Variants in ANK2 observed in about 807,000 individuals in gnomAD.
The protein encoded by ANK2 is ankyrin 2.
A neutral mutation model predicts 360.5 loss-of-function variants in ANK2; 83 were observed. That is an observed-to-expected ratio of 0.23 (90% CI 0.19 to 0.28). The LOEUF (loss-of-function observed/expected upper bound fraction) is 0.28, where lower values mean the gene tolerates loss of function less well. ANK2 is among the 10% of genes least tolerant of loss of function. The pLI is 1.00. For synonymous variants in ANK2, 1,740 were observed against 1,759.5 expected, an observed-to-expected ratio of 0.99 and a Z score of 0.28; for missense variants, 4,201 against 4,795.7, an observed-to-expected ratio of 0.88 and a Z score of 3.66.
chr4:112,783,380 T>G, the ANK2 span, among the ~76,000 whole-genome samples: 5 of 152,322 alleles, frequency 3.3e-5, no homozygotes, highest in East Asian at 5.8e-4. Flanking sequence ...CATAAATGCA[T>G]AAACATTGGC....
chr4:113,290,847 C>G (rs1369578160), intron 20 of ANK2, among the ~76,000 whole-genome samples: 2 of 152,154 alleles, frequency 1.3e-5, no homozygotes, highest in Non-Finnish European at 2.9e-5. Flanking sequence ...GTCTAGAGCT[C>G]CTAGCCAGAT....
intron 4 of ANK2, among the ~76,000 whole-genome samples, chr4:113,229,421 G>C (rs980857864): frequency 2.0e-5 from 3 of 152,182 alleles, no homozygotes; most frequent in Non-Finnish European, 4.4e-5. Flanking sequence ...TGATTACATA[G>C]AGCCTGTTTG....
the ANK2 span, among the ~76,000 whole-genome samples, chr4:112,782,775 A>G: frequency 1.3e-5 from 2 of 151,974 alleles, no homozygotes; most frequent in Non-Finnish European, 2.9e-5. Flanking sequence ...AGGCTGAGGC[A>G]GGAGGATCTC....
rs142133880 is a variant in ANK2 at position 113,128,399 on chromosome 4, A to C, written c.85-46017A>C. On this transcript the variant is annotated intron_variant, in intron 1 of 45. Coordinates refer to ENST00000357077, the MANE Select transcript of ANK2 (RefSeq NM_001148.6). ...GTAATATTACTTATTATATCACCAT[A>C]GTCCCCCTTTTTATGTGAGAGGACA... is the stretch of plus-strand genomic sequence containing the variant. Among the ~76,000 whole-genome samples, 193 of 152,392 alleles carry C rather than the reference A, an allele frequency of 1.3e-3. 6 individuals are homozygous for C. The East Asian group carries it at 0.034, about 26-fold the overall frequency.
rs376536631 is a variant in ANK2 at position 113,335,921 on chromosome 4, C to T, written c.3455C>T (p.Ala1152Val). 14 of 1,613,994 alleles carry T rather than the reference C, an allele frequency of 8.7e-6. No individual in the cohort carries two copies. The highest frequency in any genetic ancestry group is 1.2e-5 in the Non-Finnish European group (14 of 1,180,032). ...ACCCGAGACTTCCCACAGTACTTTGCAGTGGTGTCTCGTATCAAACAGGAC... is the reference window on the plus strand; with the variant it reads ...ACCCGAGACTTCCCACAGTACTTTGTAGTGGTGTCTCGTATCAAACAGGAC... ...IITRDFPQYF[A>V]VVSRIKQDSN... Residue 1152 changes from alanine (A) to valine (V), a missense_variant, in exon 30 of 46, where the codon GCA becomes GTA. Physicochemically the swap from Ala to Val is moderately conservative, Grantham distance 64. This residue lies in a region of ANK2 where 1,268 missense variants were observed against 1,650.8 expected (regional missense o/e 0.77). Transcript: ENST00000357077.
At chr4:112,765,138 G>T in the ANK2 span, among the ~76,000 whole-genome samples, 1 of 152,168 alleles carries the variant, frequency 6.6e-6, no homozygotes, top group Admixed American at 6.6e-5. Flanking sequence ...TGTTCATGCT[G>T]AATATACCTC....
chr4:113,299,499 G>A (rs2073780371), intron 22 of ANK2, among the ~76,000 whole-genome samples: 1 of 152,102 alleles, frequency 6.6e-6, no homozygotes, highest in Non-Finnish European at 1.5e-5. Flanking sequence ...GACGTCAAGT[G>A]TTCGAGACCA....
chr4:112,922,586 T>G (rs2151195438), intron 2 of ANK2, among the ~76,000 whole-genome samples: 1 of 152,310 alleles, frequency 6.6e-6, no homozygotes, highest in Non-Finnish European at 1.5e-5. Flanking sequence ...TGCTAGGAAA[T>G]ATTTGTGATA....
chr4:112,997,004 C>T (rs1255786920), intron 2 of ANK2, among the ~76,000 whole-genome samples: 1 of 152,052 alleles, frequency 6.6e-6, no homozygotes, highest in Non-Finnish European at 1.5e-5. Flanking sequence ...CACTCTCTGT[C>T]TAGTATATCT....
chr4:113,349,486 G>A (rs1272795724), intron 36 of ANK2, among the ~76,000 whole-genome samples: 1 of 151,672 alleles, frequency 6.6e-6, no homozygotes, highest in East Asian at 1.9e-4. Context: ...TTTTTTTTCT[G>A]ATACCTTGCA....
chr4:113,258,192 C>T (rs45455305), intron 12 of ANK2, 44 bp downstream of exon 12: 1,110 of 1,577,866 alleles, frequency 7.0e-4, no homozygotes, highest in Middle Eastern at 1.0e-3. Flanking sequence ...CCTTCTCTTA[C>T]TCCTTCCTCC....
chr4:113,364,235 C>T (rs558740436), intron 40 of ANK2, among the ~76,000 whole-genome samples: 1 of 152,312 alleles, frequency 6.6e-6, no homozygotes, highest in Admixed American at 6.5e-5. Context: ...GTATGTGTAA[C>T]TCACTTTCAC....
intron 24 of ANK2, among the ~76,000 whole-genome samples, chr4:113,311,767 T>A (rs1242276612): frequency 1.3e-5 from 2 of 152,208 alleles, no homozygotes; most frequent in East Asian, 3.9e-4. Context: ...TCACAGACAC[T>A]TTGGATACTC....
At chr4:113,157,366 T>C (rs895067386) in intron 1 of ANK2, among the ~76,000 whole-genome samples, 3 of 152,198 alleles carry the variant, frequency 2.0e-5, no homozygotes, top group Non-Finnish European at 2.9e-5. Flanking sequence ...GGGACAAATG[T>C]TGTCTTTGAA....
At chr4:112,834,838 A>G (rs528826853) in intron 1 of ANK2, among the ~76,000 whole-genome samples, 1 of 152,334 alleles carries the variant, frequency 6.6e-6, no homozygotes, top group Admixed American at 6.5e-5. Flanking sequence ...TCTTTAAAAA[A>G]CAGACACTTG....
At chr4:112,937,330 T>C (rs2093833173) in intron 2 of ANK2, among the ~76,000 whole-genome samples, 1 of 66,344 alleles carries the variant, frequency 1.5e-5, no homozygotes, top group Admixed American at 1.4e-4. Flanking sequence ...ATTATTGTCT[T>C]TTTTTTTTTT....
At chr4:112,843,839 C>T (rs1351710184) in intron 1 of ANK2, among the ~76,000 whole-genome samples, 2 of 152,108 alleles carry the variant, frequency 1.3e-5, no homozygotes, top group Non-Finnish European at 2.9e-5. Context: ...GGAGCTGATT[C>T]TAAATATCTT....
intron 2 of ANK2, among the ~76,000 whole-genome samples, chr4:113,021,394 G>T (rs1490424503): frequency 6.6e-6 from 1 of 151,688 alleles, no homozygotes; most frequent in African/African-American, 2.4e-5. Flanking sequence ...ACTTATTCCA[G>T]TGATGGATCT....
At chr4:113,205,202 C>T (rs1483831859) in intron 4 of ANK2, among the ~76,000 whole-genome samples, 1 of 133,314 alleles carries the variant, frequency 7.5e-6, no homozygotes, top group Non-Finnish European at 1.5e-5. Flanking sequence ...CGCCACTGCA[C>T]TCCAGTCTGG....
Sources: allele counts gnomAD v4.1 joint callset (sites outside exome capture counted in the v4.1 genomes callset), GRCh38; gene constraint gnomAD v4.1.1; regional missense constraint gnomAD v4.1.1; transcripts MANE v1.5; gene names NCBI Gene and HGNC (gene_info 2026-07-23, HGNC 2026-07-21).